The following ERMARD variants were observed in gnomAD, a reference collection of about 807,000 sequenced individuals.
ERMARD encodes the protein endoplasmic reticulum membrane-associated RNA degradation protein.
A neutral mutation model predicts 83.9 loss-of-function variants in ERMARD; 71 were observed. The observed-to-expected ratio is 0.85, with a 90% CI of 0.70 to 1.03. The LOEUF is 1.03. Among genes scored for constraint, ERMARD ranks in the 50% least tolerant of loss-of-function variants. ERMARD has a pLI of 0.00. For synonymous variants in ERMARD, 284 were observed against 298.6 expected, an observed-to-expected ratio of 0.95 and a Z score of 0.50; for missense variants, 838 against 810.9, an observed-to-expected ratio of 1.03 and a Z score of -0.41.
intron 13 of ERMARD, among the ~76,000 whole-genome samples, chr6:169,774,232 G>A (rs1793318374): frequency 6.6e-6 from 1 of 152,182 alleles, no homozygotes; most frequent in Admixed American, 6.5e-5. Flanking sequence ...AGGCCTCCTT[G>A]AGAATGCCTT....
At chr6:169,773,446 A>G (rs1181688794) in intron 13 of ERMARD, 44 bp downstream of exon 13, 1 of 1,577,564 alleles carries the variant, frequency 6.3e-7, no homozygotes, top group Non-Finnish European at 8.7e-7. Context: ...TATGTCTCTG[A>G]AACCACCTGT....
chr6:169,752,119 G>A (rs1563003504), intron 1 of ERMARD, among the ~76,000 whole-genome samples: 1 of 152,214 alleles, frequency 6.6e-6, no homozygotes, highest in African/African-American at 2.4e-5. Context: ...TACTCCGTAG[G>A]CTGAGGTGGA....
chr6:169,764,493 A>AAT (rs1791957165), intron 9 of ERMARD, among the ~76,000 whole-genome samples: 1 of 151,754 alleles, frequency 6.6e-6, no homozygotes, highest in Non-Finnish European at 1.5e-5. Flanking sequence ...GCTGATCTTG[A>AAT]ACTCCTGGGC....
rs1351477799 is a variant in ERMARD at position 169,769,600 on chromosome 6, C to T, written c.1120C>T (p.His374Tyr). ...EGPRIRDHLS[H>Y]GEINLHEFSK... is the part of the protein sequence containing the mutation. ...TCCCCGCATAAGAGATCATTTAAGC[C>T]ACGGGGAGATCAACTTACATGAATT... is the stretch of plus-strand genomic sequence containing the variant. Residue 374 changes from histidine to tyrosine, a missense_variant, in exon 12 of 18, where the codon CAC (histidine) becomes TAC (tyrosine). Transcript: ENST00000366773. The T allele has an allele frequency of 2.5e-6, 4 of 1,612,878 alleles. No individual in the cohort carries two copies. The highest frequency in any genetic ancestry group is 2.5e-6 in the Non-Finnish European group (3 of 1,179,548).
intron 17 of ERMARD, 23 bp from the exon 18 acceptor site, chr6:169,781,307 A>G (rs1387758252): frequency 9.5e-6 from 15 of 1,571,918 alleles, no homozygotes; most frequent in Non-Finnish European, 1.3e-5. Flanking sequence ...GAATGGATAA[A>G]GAAATTAATT....
intron 1 of ERMARD, 93 bp downstream of exon 1, chr6:169,751,756 A>C: frequency 7.0e-7 from 1 of 1,432,098 alleles, no homozygotes; most frequent in Non-Finnish European, 9.2e-7. Context: ...TGGGCGAGCG[A>C]GCACGCGCCT....
In ERMARD at chr6:169,755,317, G is replaced by C. The variant is rs746749933; in HGVS notation, c.210G>C (p.Leu70=). ...QGLDYWGSVR[L]LGPVCEAVHS... ...TGGATTACTGGGGAAGCGTGAGGCTGCTGGGCCCTGTGTGTGAGGCTGTCC... is the reference window on the plus strand; with the variant it reads ...TGGATTACTGGGGAAGCGTGAGGCTCCTGGGCCCTGTGTGTGAGGCTGTCC... The change falls in exon 3 of 18, where the codon CTG becomes CTC. Residue 70 remains leucine (L), a synonymous_variant. Coordinates refer to ENST00000366773, the MANE Select transcript of ERMARD (RefSeq NM_018341.3). 6.2e-7 allele frequency: 1 copy of C among 1,614,016 alleles called. No homozygotes were observed. Among genetic ancestry groups the C allele is most frequent in the East Asian group, 2.2e-5 (1 of 44,898 alleles).
chr6:169,766,592 G>C lies in ERMARD; in HGVS notation c.961-46G>C, dbSNP rs1380514686. On this transcript the variant is annotated intron_variant, in intron 9 of 17. Coordinates refer to ENST00000366773, the MANE Select transcript of ERMARD (RefSeq NM_018341.3). ...TATTTTGCATAGTGTTAGTGTATTT[G>C]TATTTTGCTTTAATTGTTTATTTTC... is the stretch of plus-strand genomic sequence containing the variant. The C allele has an allele frequency of 4.7e-6, 7 of 1,503,444 alleles. No homozygotes were observed. In the Admixed American group the frequency reaches 1.6e-4, roughly 35 times the overall value. 93.1% of individuals were successfully genotyped at this position (1,503,444 alleles called of 1,614,324 possible).
At chr6:169,759,368 C>T (rs933357228) in intron 6 of ERMARD, among the ~76,000 whole-genome samples, 3 of 152,138 alleles carry the variant, frequency 2.0e-5, no homozygotes, top group African/African-American at 7.2e-5. Context: ...GTCTGTGGTG[C>T]TGTTGTGCTG....
At chr6:169,775,153 T>G in intron 13 of ERMARD, 117 bp from the exon 14 acceptor site, 2 of 1,111,342 alleles carry the variant, frequency 1.8e-6, no homozygotes, top group East Asian at 5.2e-5. Context: ...TTTTAAAATG[T>G]TTAGAATTTG....
chr6:169,757,949 C>A (rs1468590435), intron 5 of ERMARD, among the ~76,000 whole-genome samples: 2 of 152,224 alleles, frequency 1.3e-5, no homozygotes, highest in Non-Finnish European at 2.9e-5. Context: ...CCACTTGTGG[C>A]CCCTTCAGCT....
chr6:169,773,355 GA>G lies in ERMARD; in HGVS notation c.1272del (p.Gly425AlafsTer17). ...CGTAGAATTGTTGATTAGTCTTGCA[GA>G]AGGCTATAGTTCTCGCTGTCATCCG... Reference protein sequence around the residue: ...SAVELLISLAEGYSSRCHPVF... With the variant: ...SAVELLISLAXGYSSRCHPVF... On this transcript the variant is annotated frameshift_variant, in exon 13 of 18. Coordinates refer to ENST00000366773, the MANE Select transcript of ERMARD (RefSeq NM_018341.3). LOFTEE classifies it high-confidence loss of function. 1 of 1,614,180 alleles carries G rather than the reference GA, an allele frequency of 6.2e-7. No individual in the cohort carries two copies. The highest frequency in any genetic ancestry group is 2.2e-5 in the East Asian group (1 of 44,890).
At chr6:169,764,193 C>G (rs1376892280) in intron 9 of ERMARD, among the ~76,000 whole-genome samples, 1 of 152,110 alleles carries the variant, frequency 6.6e-6, no homozygotes, top group Non-Finnish European at 1.5e-5. Context: ...CCGAGCTCAT[C>G]TCACGATTCT....
chr6:169,769,796 T>G (rs1347580229), intron 12 of ERMARD, 83 bp downstream of exon 12: 1 of 1,275,200 alleles, frequency 7.8e-7, no homozygotes, highest in Non-Finnish European at 1.1e-6. Flanking sequence ...TGTAATTAAC[T>G]GTTAATCATC....
intron 1 of ERMARD, 50 bp from the exon 2 acceptor site, chr6:169,753,814 C>CT (rs1790459102): frequency 2.2e-6 from 3 of 1,371,294 alleles, no homozygotes; most frequent in South Asian, 1.6e-5. Context: ...ATATAATACT[C>CT]TATTTTTCTT....
intron 12 of ERMARD, among the ~76,000 whole-genome samples, chr6:169,772,469 G>T (rs1159971189): frequency 2.0e-5 from 3 of 152,044 alleles, no homozygotes; most frequent in African/African-American, 7.2e-5. Flanking sequence ...GTGCTTTTAA[G>T]AATTGTAGGT....
At chr6:169,768,751 G>A (rs1436435056) in intron 11 of ERMARD, among the ~76,000 whole-genome samples, 1 of 152,188 alleles carries the variant, frequency 6.6e-6, no homozygotes, top group Non-Finnish European at 1.5e-5. Context: ...GGGCAACAGA[G>A]CAAGACTCCG....
intron 10 of ERMARD, 42 bp downstream of exon 10, chr6:169,766,709 C>T (rs368704279): frequency 3.5e-5 from 53 of 1,533,152 alleles, no homozygotes; most frequent in Non-Finnish European, 4.1e-5. Context: ...ACAAACAGAA[C>T]GCTGTCTTCT....
At position 169,760,462 on chromosome 6, in the gene ERMARD, G is replaced by A. The variant is rs111521082; in HGVS notation, c.743-180G>A. On this transcript the variant is annotated intron_variant, in intron 7 of 17. Transcript: ENST00000366773. ...GATGTCCATGCCCCACTTTCCAAGGGTCACCTGCACCTCGGGCCCTTGGTC... is the reference window on the plus strand; with the variant it reads ...GATGTCCATGCCCCACTTTCCAAGGATCACCTGCACCTCGGGCCCTTGGTC... Among the ~76,000 whole-genome samples the A allele has an allele frequency of 9.2e-3, 1,395 of 152,220 alleles. 17 individuals carry two copies. The highest frequency in any genetic ancestry group is 0.031 in the African/African-American group (1,299 of 41,520).
Sources: allele counts gnomAD v4.1 joint callset (sites outside exome capture counted in the v4.1 genomes callset), GRCh38; gene constraint gnomAD v4.1.1; transcripts MANE v1.5; gene names NCBI Gene and HGNC (gene_info 2026-07-23, HGNC 2026-07-21).